The following CERS6 variants were observed in gnomAD, a reference collection of about 807,000 sequenced individuals.
CERS6 encodes the protein ceramide synthase 6, also known as LAG1 homolog, ceramide synthase 6.
Under a neutral mutation model 56.8 loss-of-function variants are expected in CERS6, and 26 were observed. The ratio of observed to expected loss-of-function variants is 0.46; its 90% CI spans 0.34 to 0.63. CERS6 has a LOEUF of 0.63. Ranked by LOEUF, CERS6 falls within the 30% of genes least tolerant of loss-of-function variation. The pLI, the probability that CERS6 is intolerant of heterozygous loss-of-function variation, is 0.01. For synonymous variants in CERS6, 164 were observed against 173.3 expected (o/e 0.95, Z 0.42); for missense variants, 415 against 467.5 (o/e 0.89, Z 1.04).
rs1684857483 is a variant in CERS6, at chr2:168,771,379, T to C, written c.*1717T>C. 6.6e-6 allele frequency: 1 copy of C among 152,238 alleles called. No homozygotes were observed. The highest frequency in any genetic ancestry group is 1.5e-5 in the Non-Finnish European group (1 of 68,042). The allele number at this position is 152,238 out of a possible 1,614,324, so 9.4% of individuals were successfully genotyped here. ...TTTACAAAATAATATGTTTCTGTTA[T>C]GGTCCTTAGTAATAATTGAAGAGGC... On this transcript the variant is annotated 3_prime_UTR_variant, in exon 10 of 10. Coordinates refer to ENST00000305747, the MANE Select transcript of CERS6 (RefSeq NM_203463.3).
intron 4 of CERS6, among the ~76,000 whole-genome samples, chr2:168,662,545 A>G (rs1038388935): frequency 2.0e-5 from 3 of 152,156 alleles, no homozygotes; most frequent in Admixed American, 1.3e-4. Context: ...CCTGGCCAAC[A>G]TGGTGAAACC....
At chr2:168,537,997 CTG>C (rs1695296328) in intron 1 of CERS6, among the ~76,000 whole-genome samples, 1 of 152,136 alleles carries the variant, frequency 6.6e-6, no homozygotes, top group African/African-American at 2.4e-5. Flanking sequence ...TCAGTGGATC[CTG>C]TGAGTCCAGT....
intron 8 of CERS6, among the ~76,000 whole-genome samples, chr2:168,757,357 GAA>G (rs11332737): frequency 8.0e-5 from 9 of 113,156 alleles, no homozygotes; most frequent in South Asian, 5.7e-4. Context: ...ACTTTTGGAG[GAA>G]AAAAAAAAAA....
At chr2:168,535,636 A>G (rs1695248131) in intron 1 of CERS6, among the ~76,000 whole-genome samples, 2 of 145,792 alleles carry the variant, frequency 1.4e-5, no homozygotes, top group South Asian at 4.3e-4. Context: ...ATAGTCGGCC[A>G]TCTTGGCCCT....
chr2:168,492,436 A>G (rs1313768194), intron 1 of CERS6, among the ~76,000 whole-genome samples: 1 of 152,172 alleles, frequency 6.6e-6, no homozygotes, highest in African/African-American at 2.4e-5. Flanking sequence ...GTGTCTGTTC[A>G]TATCCTTTGC....
intron 1 of CERS6, among the ~76,000 whole-genome samples, chr2:168,511,930 C>T (rs1694793843): frequency 7.0e-6 from 1 of 142,492 alleles, no homozygotes; most frequent in Admixed American, 7.4e-5. Flanking sequence ...ACATACATAC[C>T]CATATGTGTG....
intron 4 of CERS6, among the ~76,000 whole-genome samples, chr2:168,673,359 T>A (rs1220314982): frequency 1.3e-5 from 2 of 151,186 alleles, no homozygotes; most frequent in Non-Finnish European, 2.9e-5. Context: ...TGGCTTAATA[T>A]TATCAGTGAT....
At chr2:168,623,079 C>G (rs1684510933) in intron 3 of CERS6, among the ~76,000 whole-genome samples, 1 of 152,154 alleles carries the variant, frequency 6.6e-6, no homozygotes, top group Admixed American at 6.5e-5. Context: ...AAGTCAGTGT[C>G]TCAGTAACAG....
intron 1 of CERS6, among the ~76,000 whole-genome samples, chr2:168,501,136 A>G (rs572893441): frequency 6.6e-6 from 1 of 152,310 alleles, no homozygotes; most frequent in East Asian, 1.9e-4. Flanking sequence ...AAGGCAGTTC[A>G]CTGTCGTTGT....
chr2:168,579,668 C>T (rs1422726141), intron 3 of CERS6, among the ~76,000 whole-genome samples: 1 of 152,198 alleles, frequency 6.6e-6, no homozygotes, highest in African/African-American at 2.4e-5. Context: ...GGTATACCCA[C>T]CTGGAGCTCC....
chr2:168,755,962 C>CT (rs2105451719), intron 8 of CERS6, among the ~76,000 whole-genome samples: 1 of 152,308 alleles, frequency 6.6e-6, no homozygotes, highest in South Asian at 2.1e-4. Context: ...ATTGAAATCT[C>CT]TAAGGGAAGG....
chr2:168,657,331 A>G (rs1685504239), intron 4 of CERS6, among the ~76,000 whole-genome samples: 1 of 152,270 alleles, frequency 6.6e-6, no homozygotes, highest in African/African-American at 2.4e-5. Flanking sequence ...CTAGATATAA[A>G]GACTCTCCAC....
intron 1 of CERS6, among the ~76,000 whole-genome samples, chr2:168,535,051 G>T (rs1050892141): frequency 6.6e-6 from 1 of 152,254 alleles, no homozygotes; most frequent in African/African-American, 2.4e-5. Flanking sequence ...GGACCAAGCC[G>T]TCCAGCCTCC....
At chr2:168,533,675 C>CT (rs1695207462) in intron 1 of CERS6, among the ~76,000 whole-genome samples, 1 of 152,150 alleles carries the variant, frequency 6.6e-6, no homozygotes, top group Non-Finnish European at 1.5e-5. Flanking sequence ...CTTGGAGAAT[C>CT]TGACAATTAT....
intron 3 of CERS6, among the ~76,000 whole-genome samples, chr2:168,595,094 T>G (rs1683767405): frequency 6.6e-6 from 1 of 152,218 alleles, no homozygotes; most frequent in Non-Finnish European, 1.5e-5. Flanking sequence ...CATTGTCCTC[T>G]ATTGGAGTTT....
chr2:168,650,267 C>G (rs1000271784), intron 4 of CERS6, among the ~76,000 whole-genome samples: 2 of 152,056 alleles, frequency 1.3e-5, no homozygotes, highest in Non-Finnish European at 2.9e-5. Context: ...GTTGGTGTCT[C>G]ATGAGAGGAG....
At chr2:168,525,296 C>T (rs1016083086) in intron 1 of CERS6, among the ~76,000 whole-genome samples, 3 of 152,162 alleles carry the variant, frequency 2.0e-5, no homozygotes, top group African/African-American at 7.2e-5. Context: ...GGGACAGGTC[C>T]CCAGAATTTG....
At chr2:168,497,785 T>A (rs76422273) in intron 1 of CERS6, among the ~76,000 whole-genome samples, 6,332 of 152,152 alleles carry the variant, frequency 0.042, 254 homozygotes, top group African/African-American at 0.099. Flanking sequence ...TTTGAGCAAT[T>A]GAGTGACATG....
chr2:168,691,392 A>G (rs1184411195), intron 5 of CERS6, among the ~76,000 whole-genome samples: 5 of 152,118 alleles, frequency 3.3e-5, no homozygotes, highest in African/African-American at 1.2e-4. Flanking sequence ...GCTTCTAATC[A>G]CTGAGGTAAG....
Sources: allele counts gnomAD v4.1 joint callset (sites outside exome capture counted in the v4.1 genomes callset), GRCh38; gene constraint gnomAD v4.1.1; transcripts MANE v1.5; gene names NCBI Gene and HGNC (gene_info 2026-07-23, HGNC 2026-07-21).